Variants in DYRK3 observed in about 807,000 individuals in gnomAD.
The protein encoded by DYRK3 is dual specificity tyrosine phosphorylation regulated kinase 3.
Under a neutral mutation model 40.8 loss-of-function variants are expected in DYRK3, and 30 were observed. The observed-to-expected ratio is 0.74, with a 90% CI of 0.55 to 1.00. The LOEUF is 1.00. Among genes scored for constraint, DYRK3 ranks in the 50% least tolerant of loss-of-function variants. The pLI is 0.00. For synonymous variants in DYRK3, 272 were observed against 260.7 expected, an observed-to-expected ratio of 1.04 and a Z score of -0.42; for missense variants, 699 against 731.5, an observed-to-expected ratio of 0.96 and a Z score of 0.51.
At chr1:206,645,106 C>T (rs921500618) in intron 2 of DYRK3, among the ~76,000 whole-genome samples, 20 of 152,018 alleles carry the variant, frequency 1.3e-4, no homozygotes, top group African/African-American at 4.8e-4. Context: ...AACTGAATTA[C>T]GGGGGCTGTC....
Position 206,649,914 on chromosome 1 carries a change from C to T in DYRK3, c.*949C>T, listed in dbSNP as rs1024387253. 2.0e-5 allele frequency among the ~76,000 whole-genome samples: 3 copies of T among 152,204 alleles called. No individual in the cohort carries two copies. The highest frequency in any genetic ancestry group is 7.2e-5 in the African/African-American group (3 of 41,456). Reference sequence around the variant, plus strand: ...TCCCTCTTCTCTTTACAGCTACCTGCCACTTCAATGTGCCACATTTTTCCC... The same window carrying T: ...TCCCTCTTCTCTTTACAGCTACCTGTCACTTCAATGTGCCACATTTTTCCC... On this transcript the variant is annotated 3_prime_UTR_variant, in exon 3 of 3. Transcript: ENST00000367109.
At position 206,652,261 on chromosome 1, in the gene DYRK3, G is replaced by A. The variant is rs183417528; in HGVS notation, c.*3296G>A. 1.2e-4 allele frequency among the ~76,000 whole-genome samples: 19 copies of A among 152,278 alleles called. No homozygotes were observed. The highest frequency in any genetic ancestry group is 1.2e-3 in the South Asian group (6 of 4,822). On this transcript the variant is annotated 3_prime_UTR_variant, in exon 3 of 3. Transcript: ENST00000367109. ...TGTTTTGCCAGTTGTTATCAGTGTT[G>A]AAGAACTGCTCCTGTAAGCAAACTG...
At chr1:206,637,844 A>G (rs1671162443) in intron 2 of DYRK3, 83 bp downstream of exon 2, 4 of 1,061,160 alleles carry the variant, frequency 3.8e-6, no homozygotes, top group South Asian at 3.0e-5. Flanking sequence ...ACACTTATGT[A>G]TCACTGACAA....
chr1:206,648,107 G>GT lies in DYRK3; in HGVS notation c.912dup (p.Gln305SerfsTer4), dbSNP rs782387740. 70 of 1,613,958 alleles carry GT rather than the reference G, an allele frequency of 4.3e-5. No homozygotes were observed. In the Admixed American group the frequency reaches 1.1e-3, roughly 25 times the overall value. ...TTTATGAGCTGATTAAAAAAAATAA[G>GT]TTTCAGGGTTTTAGCGTCCAGTTGG... On this transcript the variant is annotated frameshift_variant, in exon 3 of 3. Coordinates refer to ENST00000367109, the MANE Select transcript of DYRK3 (RefSeq NM_003582.4). LOFTEE classifies it high-confidence loss of function.
In DYRK3 at chr1:206,648,755, C is replaced by T. The variant is rs201669944; in HGVS notation, c.1557C>T (p.His519=). 6.2e-7 allele frequency: 1 copy of T among 1,613,954 alleles called. No homozygotes were observed. Among genetic ancestry groups the T allele is most frequent in the Admixed American group, 1.7e-5 (1 of 59,992 alleles). The stretch of plus-strand genomic sequence containing the variant: ...TGACCCCAGCTCAAGCATTAAGACA[C>T]CCTTGGATTAGCAAGTCTGTCCCCA... The part of the protein sequence containing the change: ...ARLTPAQALR[H]PWISKSVPRP... The change falls in exon 3 of 3, where the codon CAC becomes CAT. Residue 519 remains histidine, a synonymous_variant. Coordinates refer to ENST00000367109, the MANE Select transcript of DYRK3 (RefSeq NM_003582.4).
In DYRK3 at chr1:206,647,428, T is replaced by C. The variant is rs782281656; in HGVS notation, c.230T>C (p.Phe77Ser). The C allele has an allele frequency of 6.2e-7, 1 of 1,613,902 alleles. No individual in the cohort carries two copies. Among genetic ancestry groups the C allele is most frequent in the South Asian group, 1.1e-5 (1 of 91,022 alleles). The change falls in exon 3 of 3, where the codon TTT (phenylalanine) becomes TCT (serine). Residue 77 changes from phenylalanine to serine, a missense_variant. Coordinates refer to ENST00000367109, the MANE Select transcript of DYRK3 (RefSeq NM_003582.4). ...EQFTGDHTQH[F>S]LDGGEMKVEQ... Reference sequence around the variant, plus strand: ...TTTACAGGAGATCATACTCAGCACTTTTTGGATGGAGGTGAGATGAAGGTA... The same window carrying C: ...TTTACAGGAGATCATACTCAGCACTCTTTGGATGGAGGTGAGATGAAGGTA...
intron 2 of DYRK3, among the ~76,000 whole-genome samples, chr1:206,639,770 T>A (rs12073287): frequency 0.81 from 122,404 of 151,992 alleles, 49,562 homozygotes; most frequent in Non-Finnish European, 0.84. Context: ...AAGTCATTTT[T>A]ACTTTGATTC....
intron 2 of DYRK3, among the ~76,000 whole-genome samples, chr1:206,642,549 A>G (rs1671320905): frequency 6.6e-6 from 1 of 152,228 alleles, no homozygotes; most frequent in South Asian, 2.1e-4. Context: ...TCAATGATAG[A>G]CTGGATTAAG....
In DYRK3 at chr1:206,648,221, T is replaced by A. The variant is rs564719047; in HGVS notation, c.1023T>A (p.Ile341=). 3.1e-6 allele frequency: 5 copies of A among 1,614,084 alleles called. No homozygotes were observed. The highest frequency in any genetic ancestry group is 4.2e-6 in the Non-Finnish European group (5 of 1,180,004). The change falls in exon 3 of 3, where the codon ATT becomes ATA. Residue 341 remains isoleucine, a synonymous_variant. Transcript: ENST00000367109. ...ACTGCGATCTGAAGCCAGAAAACAT[T>A]CTCCTGAAACACCACGGGCGCAGTT... ...IIHCDLKPEN[I]LLKHHGRSST...
rs200293529 is a variant in DYRK3, at chr1:206,637,778, A to G, written c.189+17A>G. 173 of 1,571,016 alleles carry G rather than the reference A, an allele frequency of 1.1e-4. 3 individuals carry two copies. The South Asian group carries it at 1.8e-3, about 16-fold the overall frequency. On this transcript the variant is annotated intron_variant, in intron 2 of 2. Coordinates refer to ENST00000367109, the MANE Select transcript of DYRK3 (RefSeq NM_003582.4). ...AGACTAAATGTAAGTAAAAGAAGTC[A>G]TTCTTTGTACATGAATTGTTTTGGA...
At chr1:206,644,040 T>TA (rs1671376701) in intron 2 of DYRK3, among the ~76,000 whole-genome samples, 1 of 143,040 alleles carries the variant, frequency 7.0e-6, no homozygotes, top group Admixed American at 7.0e-5. Context: ...GCTTTTTTTT[T>TA]TTTTTTTTTT....
rs1366298447 is a variant in DYRK3 at position 206,649,546 on chromosome 1, G to A, written c.*581G>A. 6.6e-6 allele frequency among the ~76,000 whole-genome samples: 1 copy of A among 152,164 alleles called. No homozygotes were observed. The highest frequency in any genetic ancestry group is 1.5e-5 in the Non-Finnish European group (1 of 68,024). On this transcript the variant is annotated 3_prime_UTR_variant, in exon 3 of 3. Transcript: ENST00000367109. ...CTTCCCTTCAGTTCTCTGATGTTTG[G>A]TGTTATTATTTTATGTTGTTATTTT...
chr1:206,647,783 G>A lies in DYRK3; in HGVS notation c.585G>A (p.Gly195=). Residue 195 remains glycine (G), a synonymous_variant, in exon 3 of 3, where the codon GGG becomes GGA. Coordinates refer to ENST00000367109, the MANE Select transcript of DYRK3 (RefSeq NM_003582.4). Reference sequence around the variant, plus strand: ...ATGGAGGGTATGATGATGCAGATGGGGCCTATATTCATGTACCTCGAGACC... The same window carrying A: ...ATGGAGGGTATGATGATGCAGATGGAGCCTATATTCATGTACCTCGAGACC... ...PNNGGYDDAD[G]AYIHVPRDHL... 1 of 1,614,020 alleles carries A rather than the reference G, an allele frequency of 6.2e-7. No homozygotes were observed. Among genetic ancestry groups the A allele is most frequent in the South Asian group, 1.1e-5 (1 of 91,072 alleles).
chr1:206,644,598 G>A (rs1553419803), intron 2 of DYRK3, among the ~76,000 whole-genome samples: 1 of 152,142 alleles, frequency 6.6e-6, no homozygotes, highest in African/African-American at 2.4e-5. Flanking sequence ...GGAATGCAGT[G>A]GTGCGATCTC....
Position 206,651,245 on chromosome 1 carries a change from ATGATC to A in DYRK3, c.*2283_*2287del, listed in dbSNP as rs1316328921. ...GTCTTGAAACTGCCTCATCTACCTC[ATGATC>A]TGCTAGTCGAGATAGTGACTCTTTG... is the stretch of plus-strand genomic sequence containing the variant. On this transcript the variant is annotated 3_prime_UTR_variant, in exon 3 of 3. Transcript: ENST00000367109. Among the ~76,000 whole-genome samples the A allele has an allele frequency of 2.0e-5, 3 of 152,190 alleles. No homozygotes were observed. Among genetic ancestry groups the A allele is most frequent in the Non-Finnish European group, 4.4e-5 (3 of 68,042 alleles).
In DYRK3 at chr1:206,654,208, T is replaced by C. The variant is rs1671698487; in HGVS notation, c.*5243T>C. ...TTATTGATGTCATCAACACGGAAGT[T>C]GGAAAGGTGACAATGATTGTTCTAG... is the stretch of plus-strand genomic sequence containing the variant. On this transcript the variant is annotated 3_prime_UTR_variant, in exon 3 of 3. Coordinates refer to ENST00000367109, the MANE Select transcript of DYRK3 (RefSeq NM_003582.4). Among the ~76,000 whole-genome samples, 1 of 152,264 alleles carries C rather than the reference T, an allele frequency of 6.6e-6. No homozygotes were observed. Among genetic ancestry groups the C allele is most frequent in the Non-Finnish European group, 1.5e-5 (1 of 68,046 alleles).
intron 1 of DYRK3, 102 bp downstream of exon 1, chr1:206,635,882 A>G: frequency 7.9e-7 from 1 of 1,261,632 alleles, no homozygotes; most frequent in Admixed American, 4.0e-5. Context: ...AGCCCTCAGT[A>G]GGAGGGACGA....
chr1:206,646,279 T>G (rs1671453145), intron 2 of DYRK3, among the ~76,000 whole-genome samples: 1 of 152,228 alleles, frequency 6.6e-6, no homozygotes, highest in African/African-American at 2.4e-5. Context: ...TAGTAATTAA[T>G]TAATATTAAT....
At position 206,654,415 on chromosome 1, in the gene DYRK3, G is replaced by A. The variant is rs116372008; in HGVS notation, c.*5450G>A. On this transcript the variant is annotated 3_prime_UTR_variant, in exon 3 of 3. Transcript: ENST00000367109. ...GCATTCATGCTATGGAAAACCTGGA[G>A]TCAGTACAAATAAGGAGTAAGAAAA... Among the ~76,000 whole-genome samples the A allele has an allele frequency of 0.011, 1,626 of 152,348 alleles. 42 individuals are homozygous for A. The highest frequency in any genetic ancestry group is 0.037 in the African/African-American group (1,558 of 41,570).
Sources: gnomAD v4.1 joint callset for allele counts (sites outside exome capture counted in the v4.1 genomes callset) on GRCh38, gnomAD v4.1.1 for gene constraint, MANE v1.5 for transcripts, NCBI Gene and HGNC (gene_info 2026-07-23, HGNC 2026-07-21) for gene names.